RYR3: variants seen among roughly 807,000 people sequenced by gnomAD.
RYR3 encodes ryanodine receptor 3.
RYR3 carries 207 observed loss-of-function variants against 584.3 expected under a neutral mutation model. The ratio of observed to expected loss-of-function variants is 0.35; its 90% CI spans 0.32 to 0.40. The LOEUF is 0.40. RYR3 is among the 10% of genes least tolerant of loss of function. The pLI is 1.00. For missense variants in RYR3, 5,616 were observed against 6,089.2 expected, an observed-to-expected ratio of 0.92 and a Z score of 2.59; for synonymous variants, 2,416 against 2,248.5, an observed-to-expected ratio of 1.07 and a Z score of -2.11.
At chr15:33,614,392 T>C (rs2060346776) in intron 19 of RYR3, among the ~76,000 whole-genome samples, 1 of 152,036 alleles carries the variant, frequency 6.6e-6, no homozygotes, top group South Asian at 2.1e-4. Context: ...GGATTTGGGC[T>C]TGCAGTATCA....
At chr15:33,510,336 C>T (rs2052870027) in intron 3 of RYR3, among the ~76,000 whole-genome samples, 1 of 152,194 alleles carries the variant, frequency 6.6e-6, no homozygotes, top group African/African-American at 2.4e-5. Context: ...GTAATGGTTG[C>T]AGTGTACCAA....
intron 18 of RYR3, among the ~76,000 whole-genome samples, chr15:33,608,146 T>C (rs538254327): frequency 6.6e-6 from 1 of 152,202 alleles, no homozygotes; most frequent in East Asian, 1.9e-4. Flanking sequence ...TAACTCTCTT[T>C]ATAGCATCCC....
At position 33,769,011 on chromosome 15, in the gene RYR3, T is replaced by C. The variant is rs2073345595; in HGVS notation, c.8756-101T>C. 4 of 882,042 alleles carry C rather than the reference T, an allele frequency of 4.5e-6. No homozygotes were observed. The Admixed American group carries it at 6.9e-5, about 15-fold the overall frequency. 54.6% of individuals were successfully genotyped at this position (882,042 alleles called of 1,614,324 possible). The stretch of plus-strand genomic sequence containing the variant: ...GGCCCAGGACTTTATGTGTTGGTAG[T>C]TAATTACGCTGGGGCTGTGGCTTGT... On this transcript the variant is annotated intron_variant, in intron 61 of 103. Transcript: ENST00000634891.
At chr15:33,851,777 G>C (rs1306745758) in intron 94 of RYR3, 2 of 152,058 alleles carry the variant, frequency 1.3e-5, no homozygotes, top group South Asian at 2.1e-4. Context: ...AGAGAAAGGA[G>C]GTATCAGTGT....
intron 8 of RYR3, among the ~76,000 whole-genome samples, chr15:33,544,942 C>T (rs901942035): frequency 6.6e-6 from 1 of 152,078 alleles, no homozygotes; most frequent in East Asian, 1.9e-4. Context: ...GTCGTGTGAT[C>T]CTGTTCACTT....
chr15:33,645,355 C>A (rs1413879181), intron 28 of RYR3, among the ~76,000 whole-genome samples: 1 of 152,144 alleles, frequency 6.6e-6, no homozygotes, highest in East Asian at 1.9e-4. Flanking sequence ...CCAGACAAAT[C>A]AGCCCCATTG....
In RYR3 at chr15:33,749,968, G is replaced by T; in HGVS notation, c.8200-11G>T. On this transcript the variant is annotated splice_polypyrimidine_tract_variant and intron_variant, in intron 55 of 103. Transcript: ENST00000634891. ...TTTCTTTTTGACTTGGCTCTTCTTG[G>T]TGGGACACAGGGAATGGTGGAGGTC... is the stretch of plus-strand genomic sequence containing the variant. The T allele has an allele frequency of 6.2e-7, 1 of 1,610,426 alleles. No homozygotes were observed. Among genetic ancestry groups the T allele is most frequent in the African/African-American group, 1.3e-5 (1 of 74,956 alleles).
In RYR3 at chr15:33,843,499, C is replaced by G; in HGVS notation, c.13221C>G (p.Ala4407=). The G allele has an allele frequency of 1.2e-6, 2 of 1,602,658 alleles. No individual in the cohort carries two copies. The highest frequency in any genetic ancestry group is 1.7e-6 in the Non-Finnish European group (2 of 1,173,962). The change falls in exon 92 of 104, where the codon GCC becomes GCG. Residue 4407 remains alanine (A), a synonymous_variant. Coordinates refer to ENST00000634891, the MANE Select transcript of RYR3 (RefSeq NM_001036.6). ...CCTTTTCTTTGCAGCATTACCTGGCCAGGAATTTCTACAACCTGAGGTTCC... is the reference window on the plus strand; with the variant it reads ...CCTTTTCTTTGCAGCATTACCTGGCGAGGAATTTCTACAACCTGAGGTTCC... ...IYQTKLLHYL[A]RNFYNLRFLA...
At chr15:33,812,072 A>G (rs542706835) in intron 72 of RYR3, among the ~76,000 whole-genome samples, 297 of 152,314 alleles carry the variant, frequency 1.9e-3, no homozygotes, top group Non-Finnish European at 3.0e-3. Context: ...ATCATTGTAA[A>G]GGAAGAGGAG....
chr15:33,857,204 G>A (rs1169210768), intron 98 of RYR3, among the ~76,000 whole-genome samples: 3 of 150,014 alleles, frequency 2.0e-5, no homozygotes, highest in East Asian at 2.0e-4. Flanking sequence ...ATGTCTTTTC[G>A]ACAGTTCTGG....
At chr15:33,810,922 T>C in intron 71 of RYR3, 56 bp from the exon 72 acceptor site, 3 of 1,436,920 alleles carry the variant, frequency 2.1e-6, no homozygotes, top group Non-Finnish European at 2.9e-6. Context: ...CCCCATATGC[T>C]ACTTGACAGT....
chr15:33,316,032 TTAAA>T (rs1968124642), intron 1 of RYR3, among the ~76,000 whole-genome samples: 1 of 152,224 alleles, frequency 6.6e-6, no homozygotes, highest in Non-Finnish European at 1.5e-5. Flanking sequence ...ATTAAATATG[TTAAA>T]TAACATATTT....
chr15:33,522,495 G>A (rs867687199), intron 3 of RYR3, among the ~76,000 whole-genome samples: 3 of 152,046 alleles, frequency 2.0e-5, no homozygotes, highest in Admixed American at 6.5e-5. Context: ...CTTTAGATTC[G>A]TATTAATTAC....
intron 1 of RYR3, among the ~76,000 whole-genome samples, chr15:33,401,936 T>G (rs1237885849): frequency 6.6e-6 from 1 of 152,210 alleles, no homozygotes; most frequent in African/African-American, 2.4e-5. Context: ...GAGTACATAT[T>G]AATTTCAACA....
chr15:33,563,442 A>C (rs1376876394), intron 11 of RYR3, among the ~76,000 whole-genome samples: 2 of 152,238 alleles, frequency 1.3e-5, no homozygotes, highest in African/African-American at 4.8e-5. Flanking sequence ...CCACTGGCAG[A>C]AAGAAGGGAT....
chr15:33,471,720 G>A (rs1250385162), intron 1 of RYR3, among the ~76,000 whole-genome samples: 1 of 151,802 alleles, frequency 6.6e-6, no homozygotes, highest in African/African-American at 2.4e-5. Flanking sequence ...AACTGTGGTG[G>A]GGGAGACACA....
At chr15:33,634,183 C>T (rs1341721505) in intron 24 of RYR3, among the ~76,000 whole-genome samples, 3 of 152,078 alleles carry the variant, frequency 2.0e-5, no homozygotes, top group Non-Finnish European at 4.4e-5. Context: ...TCCCGAGTAG[C>T]TGGGATTACA....
chr15:33,387,059 A>C (rs1286758288), intron 1 of RYR3, among the ~76,000 whole-genome samples: 5 of 151,778 alleles, frequency 3.3e-5, no homozygotes, highest in Non-Finnish European at 5.9e-5. Context: ...GGGTTTCACC[A>C]CGTTAGCCAG....
chr15:33,402,653 G>A (rs1303295991), intron 1 of RYR3, among the ~76,000 whole-genome samples: 1 of 152,226 alleles, frequency 6.6e-6, no homozygotes, highest in Non-Finnish European at 1.5e-5. Flanking sequence ...TTAAGCACCA[G>A]CTTTGAAGAT....
Sources: allele counts gnomAD v4.1 joint callset (sites outside exome capture counted in the v4.1 genomes callset), GRCh38; gene constraint gnomAD v4.1.1; transcripts MANE v1.5; gene names NCBI Gene and HGNC (gene_info 2026-07-23, HGNC 2026-07-21).